The following RPS6KB1 variants were observed in gnomAD, a reference collection of about 807,000 sequenced individuals.
The protein encoded by RPS6KB1 is ribosomal protein S6 kinase beta-1.
A neutral mutation model predicts 70.2 loss-of-function variants in RPS6KB1; 12 were observed. That is an observed-to-expected ratio of 0.17 (90% CI 0.11 to 0.28). The LOEUF is 0.28. Ranked by LOEUF, RPS6KB1 falls within the 10% of genes least tolerant of loss-of-function variation. The pLI, the probability that RPS6KB1 is intolerant of heterozygous loss-of-function variation, is 1.00. For missense variants in RPS6KB1, 270 were observed against 646.6 expected, an observed-to-expected ratio of 0.42 and a Z score of 6.32; for synonymous variants, 175 against 211.2, an observed-to-expected ratio of 0.83 and a Z score of 1.49.
chr17:59,894,945 T>C (rs1019418944), intron 1 of RPS6KB1, among the ~76,000 whole-genome samples: 1 of 152,134 alleles, frequency 6.6e-6, no homozygotes, highest in Admixed American at 6.6e-5. Context: ...TAAATCAAAA[T>C]CACACGGTTT....
At chr17:59,922,551 CTTTTTT>C (rs71145590) in intron 4 of RPS6KB1, among the ~76,000 whole-genome samples, 125 of 80,392 alleles carry the variant, frequency 1.6e-3, no homozygotes, top group African/African-American at 7.0e-3. Flanking sequence ...TTTTATACTC[CTTTTTT>C]TTTTTTTTTT....
chr17:59,919,118 T>C (rs906299904), intron 4 of RPS6KB1, among the ~76,000 whole-genome samples: 2 of 152,188 alleles, frequency 1.3e-5, no homozygotes, highest in African/African-American at 4.8e-5. Flanking sequence ...CTGGCCTGAT[T>C]ATTCATATTT....
chr17:59,926,926 A>T (rs2043641248), intron 5 of RPS6KB1, among the ~76,000 whole-genome samples: 1 of 152,154 alleles, frequency 6.6e-6, no homozygotes, highest in African/African-American at 2.4e-5. Context: ...TAACATACTG[A>T]CTATTTTTGG....
chr17:59,905,099 C>T (rs563791187), intron 1 of RPS6KB1, among the ~76,000 whole-genome samples: 2 of 152,074 alleles, frequency 1.3e-5, no homozygotes, highest in South Asian at 2.1e-4. Context: ...TCACTGCAGC[C>T]TTGACCTCTT....
At chr17:59,936,038 C>A (rs2044212159) in intron 10 of RPS6KB1, among the ~76,000 whole-genome samples, 177 bp from the exon 11 acceptor site, 1 of 152,002 alleles carries the variant, frequency 6.6e-6, no homozygotes, top group African/African-American at 2.4e-5. Flanking sequence ...AACTCCCAAC[C>A]TCAGGTGATC....
chr17:59,903,457 A>G (rs1220155331), intron 1 of RPS6KB1, among the ~76,000 whole-genome samples: 1 of 152,160 alleles, frequency 6.6e-6, no homozygotes, highest in Non-Finnish European at 1.5e-5. Flanking sequence ...CCTGGGTGAT[A>G]GAGTGACACC....
intron 4 of RPS6KB1, among the ~76,000 whole-genome samples, chr17:59,922,690 G>A (rs1239031314): frequency 1.3e-5 from 2 of 148,372 alleles, no homozygotes; most frequent in Admixed American, 6.7e-5. Context: ...GACTACAGGC[G>A]TGCGCCATCG....
intron 4 of RPS6KB1, among the ~76,000 whole-genome samples, chr17:59,925,406 G>C (rs1053952160): frequency 1.3e-5 from 2 of 152,044 alleles, no homozygotes; most frequent in Admixed American, 1.3e-4. Flanking sequence ...ACCATTATCT[G>C]TCCTATTACT....
At chr17:59,906,070 T>G (rs973600135) in intron 1 of RPS6KB1, among the ~76,000 whole-genome samples, 1 of 152,198 alleles carries the variant, frequency 6.6e-6, no homozygotes, top group Non-Finnish European at 1.5e-5. Flanking sequence ...CATTATTTGA[T>G]TTGTATGTGG....
intron 12 of RPS6KB1, among the ~76,000 whole-genome samples, chr17:59,938,799 G>C (rs566078653): frequency 2.0e-5 from 3 of 149,824 alleles, no homozygotes; most frequent in East Asian, 4.1e-4. Context: ...TCACTACCAG[G>C]GTAATTTGGC....
rs1568356514 is a variant in RPS6KB1, at chr17:59,893,950, T to TTA, written c.141+625_141+626insTA. 9.3e-6 allele frequency: 9 copies of TTA among 970,782 alleles called. No individual in the cohort carries two copies. Among genetic ancestry groups the TTA allele is most frequent in the Non-Finnish European group, 1.1e-5 (9 of 817,212 alleles). 60.1% of individuals were successfully genotyped at this position (970,782 alleles called of 1,614,324 possible). ...GTTTGTTTGTTTGCTTTTTTTTTTT[T>TTA]ACCCCCTTCCGTGTGACTTTTTAAA... On this transcript the variant is annotated intron_variant, in intron 1 of 14. Transcript: ENST00000225577. The surrounding 1 kb of genome is among the most constrained non-coding windows in gnomAD (Gnocchi z 4.1).
At position 59,935,266 on chromosome 17, in the gene RPS6KB1, A is replaced by T; in HGVS notation, c.944A>T (p.Tyr315Phe). The change falls in exon 10 of 15, where the codon TAC (tyrosine) becomes TTC (phenylalanine). Residue 315 changes from tyrosine (Y) to phenylalanine (F), a missense_variant. By Grantham distance (22) the Tyr-to-Phe change is conservative. This residue lies in a region of RPS6KB1 where 133 missense variants were observed against 314.7 expected (regional missense o/e 0.42). Coordinates refer to ENST00000225577, the MANE Select transcript of RPS6KB1 (RefSeq NM_003161.4). ...AAATGTAAACTCAATTTGCCTCCCT[A>T]CCTCACACAAGAAGCCAGAGATCTG... ...ILKCKLNLPP[Y>F]LTQEARDLLK... 6.2e-7 allele frequency: 1 copy of T among 1,611,696 alleles called. No individual in the cohort carries two copies. Among genetic ancestry groups the T allele is most frequent in the Non-Finnish European group, 8.5e-7 (1 of 1,178,090 alleles).
At chr17:59,938,170 CTTT>C (rs72001861) in intron 12 of RPS6KB1, among the ~76,000 whole-genome samples, 111 of 71,466 alleles carry the variant, frequency 1.6e-3, no homozygotes, top group East Asian at 7.9e-3. Context: ...TCTTTTCTTT[CTTT>C]TTTTTTTTTT....
intron 12 of RPS6KB1, among the ~76,000 whole-genome samples, chr17:59,938,055 G>A (rs1447243562): frequency 2.0e-5 from 3 of 150,176 alleles, no homozygotes; most frequent in African/African-American, 7.3e-5. Flanking sequence ...CTACTGCCCA[G>A]CTTAAAAAAT....
At chr17:59,901,428 C>A (rs934683393) in intron 1 of RPS6KB1, among the ~76,000 whole-genome samples, 30 of 149,762 alleles carry the variant, frequency 2.0e-4, no homozygotes, top group African/African-American at 7.3e-4. Flanking sequence ...GGATTACAGG[C>A]GTGAGCCACC....
At chr17:59,916,607 A>T (rs1025428630) in intron 4 of RPS6KB1, among the ~76,000 whole-genome samples, 2 of 152,178 alleles carry the variant, frequency 1.3e-5, no homozygotes, top group Admixed American at 6.5e-5. Flanking sequence ...TCCCAGAGGC[A>T]TATCTTAGGA....
intron 13 of RPS6KB1, among the ~76,000 whole-genome samples, chr17:59,942,146 C>T (rs1236078380): frequency 1.3e-5 from 2 of 152,200 alleles, no homozygotes; most frequent in Non-Finnish European, 2.9e-5. Flanking sequence ...GCGTAAGCCA[C>T]CACGCCCAGT....
chr17:59,912,018 A>G (rs2042673417), intron 2 of RPS6KB1, among the ~76,000 whole-genome samples: 1 of 152,230 alleles, frequency 6.6e-6, no homozygotes, highest in South Asian at 2.1e-4. Flanking sequence ...TTGCCAAATG[A>G]GGTTGGATAA....
chr17:59,932,412 C>CA (rs796338609), intron 7 of RPS6KB1, among the ~76,000 whole-genome samples: 19 of 149,008 alleles, frequency 1.3e-4, no homozygotes, highest in South Asian at 6.4e-4. Context: ...GACTCCGTCT[C>CA]AAAAAAAAAG....
Sources: allele counts gnomAD v4.1 joint callset (sites outside exome capture counted in the v4.1 genomes callset), GRCh38; gene constraint gnomAD v4.1.1; regional missense constraint gnomAD v4.1.1; non-coding constraint Gnocchi (gnomAD v3.1); transcripts MANE v1.5; gene names NCBI Gene and HGNC (gene_info 2026-07-23, HGNC 2026-07-21).